HOOK3: variants seen among roughly 807,000 people sequenced by gnomAD.
HOOK3 encodes hook microtubule tethering protein 3.
HOOK3 carries 24 observed loss-of-function variants against 116.3 expected under a neutral mutation model. The observed-to-expected ratio is 0.21, with a 90% CI of 0.15 to 0.29. The LOEUF is 0.29. Ranked by LOEUF, HOOK3 falls within the 10% of genes least tolerant of loss-of-function variation. The pLI is 1.00. For missense variants in HOOK3, 632 were observed against 830.2 expected, an observed-to-expected ratio of 0.76 and a Z score of 2.93; for synonymous variants, 275 against 283.0, an observed-to-expected ratio of 0.97 and a Z score of 0.28.
At chr8:43,005,212 T>TATATA (rs905459315) in intron 17 of HOOK3, among the ~76,000 whole-genome samples, 1 of 118,876 alleles carries the variant, frequency 8.4e-6, no homozygotes, top group Admixed American at 9.6e-5. Flanking sequence ...TATATATATA[T>TATATA]AATTTTTTTT....
At chr8:43,017,623 CT>C (rs959917044) in intron 21 of HOOK3, among the ~76,000 whole-genome samples, 61 of 152,194 alleles carry the variant, frequency 4.0e-4, no homozygotes, top group Middle Eastern at 3.4e-3. Context: ...CAAAAAACTG[CT>C]TTTTTCCTGA....
In HOOK3 at chr8:43,011,015, T is replaced by C. The variant is rs190858886; in HGVS notation, c.1839+610T>C. Among the ~76,000 whole-genome samples the C allele has an allele frequency of 3.8e-3, 575 of 151,690 alleles. 2 individuals carry two copies. Among genetic ancestry groups the C allele is most frequent in the East Asian group, 0.019 (99 of 5,152 alleles). ...GTCCATTTTCTTTTTTTTTTTGAGATGGAGTCTCGCTCTGTCGCCCAGGCT... is the reference window on the plus strand; with the variant it reads ...GTCCATTTTCTTTTTTTTTTTGAGACGGAGTCTCGCTCTGTCGCCCAGGCT... On this transcript the variant is annotated intron_variant, in intron 19 of 21. Transcript: ENST00000307602.
At chr8:42,999,460 A>G (rs1219454958) in intron 16 of HOOK3, among the ~76,000 whole-genome samples, 1 of 152,252 alleles carries the variant, frequency 6.6e-6, no homozygotes, top group South Asian at 2.1e-4. Flanking sequence ...TAAGTAGTAC[A>G]ATACAGGATA....
At chr8:43,011,067 A>G (rs1313333671) in intron 19 of HOOK3, among the ~76,000 whole-genome samples, 2 of 151,320 alleles carry the variant, frequency 1.3e-5, no homozygotes, top group Non-Finnish European at 2.9e-5. Context: ...ATCTTGGCTC[A>G]CTGCAAGCTC....
chr8:43,016,629 C>T (rs2130495092), intron 21 of HOOK3, among the ~76,000 whole-genome samples: 1 of 152,126 alleles, frequency 6.6e-6, no homozygotes, highest in African/African-American at 2.4e-5. Context: ...GGTCTTTAAC[C>T]TATGTGAAGA....
At chr8:42,898,709 G>C (rs1807116942) in intron 1 of HOOK3, among the ~76,000 whole-genome samples, 1 of 152,200 alleles carries the variant, frequency 6.6e-6, no homozygotes, top group South Asian at 2.1e-4. Context: ...AATCTAGGGA[G>C]AAAGAAGACA....
chr8:42,915,010 AAG>A (rs1316160509), intron 2 of HOOK3, among the ~76,000 whole-genome samples: 4 of 152,140 alleles, frequency 2.6e-5, no homozygotes, highest in Non-Finnish European at 5.9e-5. Flanking sequence ...TAAAAGTTGA[AAG>A]AGGCCAAGAG....
intron 21 of HOOK3, among the ~76,000 whole-genome samples, chr8:43,015,062 G>A (rs1256480349): frequency 6.6e-6 from 1 of 151,810 alleles, no homozygotes; most frequent in Non-Finnish European, 1.5e-5. Flanking sequence ...CACGAGAATC[G>A]CTTAAACCCG....
chr8:42,966,023 T>C (rs925711620), intron 9 of HOOK3, among the ~76,000 whole-genome samples: 9 of 152,218 alleles, frequency 5.9e-5, no homozygotes, highest in Admixed American at 5.2e-4. Flanking sequence ...CTGTCTTCTA[T>C]TAAAACAGAT....
intron 2 of HOOK3, among the ~76,000 whole-genome samples, chr8:42,907,265 G>A (rs1453911614): frequency 6.6e-6 from 1 of 152,114 alleles, no homozygotes; most frequent in Non-Finnish European, 1.5e-5. Flanking sequence ...GGTTTTCTTT[G>A]CAATTAGCTA....
intron 2 of HOOK3, among the ~76,000 whole-genome samples, chr8:42,914,826 A>G (rs937324338): frequency 6.6e-6 from 1 of 152,282 alleles, no homozygotes; most frequent in Admixed American, 6.5e-5. Flanking sequence ...ATCTTTAAAA[A>G]TATTTCTCCA....
At chr8:42,910,980 A>G (rs1252679619) in intron 2 of HOOK3, among the ~76,000 whole-genome samples, 2 of 152,236 alleles carry the variant, frequency 1.3e-5, no homozygotes, top group Non-Finnish European at 2.9e-5. Context: ...TAAAAGTCAC[A>G]GATTTCTTCA....
intron 11 of HOOK3, among the ~76,000 whole-genome samples, chr8:42,971,542 T>TA (rs1306847272): frequency 2.0e-5 from 3 of 152,244 alleles, no homozygotes. Flanking sequence ...GTGCTGGGAT[T>TA]ACAGGCGTGA....
chr8:42,917,263 G>C (rs1252370215), intron 2 of HOOK3, among the ~76,000 whole-genome samples: 1 of 152,210 alleles, frequency 6.6e-6, no homozygotes, highest in African/African-American at 2.4e-5. Context: ...TGAGCGCGTT[G>C]AGGTGATCAT....
At chr8:43,006,856 CT>C (rs1408245782) in intron 17 of HOOK3, among the ~76,000 whole-genome samples, 1 of 151,630 alleles carries the variant, frequency 6.6e-6, no homozygotes, top group East Asian at 1.9e-4. Flanking sequence ...TTTTTGCAGC[CT>C]TTTTTCCTAG....
Position 42,973,360 on chromosome 8 carries a change from G to A in HOOK3, c.1194G>A (p.Arg398=). The A allele has an allele frequency of 1.2e-6, 2 of 1,612,826 alleles. No homozygotes were observed. The highest frequency in any genetic ancestry group is 1.7e-5 in the Admixed American group (1 of 59,782). ...KADKLDFEYK[R]LKEKVDSLQK... is the part of the protein sequence containing the mutation. ...ATAAACTAGATTTTGAATATAAGCG[G>A]CTAAAAGAAAAAGTTGACAGTCTTC... The change falls in exon 12 of 22, where the codon CGG becomes CGA. Residue 398 remains arginine (R), a synonymous_variant. Transcript: ENST00000307602.
At chr8:42,931,676 C>T (rs1171457953) in intron 4 of HOOK3, among the ~76,000 whole-genome samples, 3 of 151,930 alleles carry the variant, frequency 2.0e-5, no homozygotes, top group African/African-American at 7.3e-5. Context: ...TCGTGATCTG[C>T]CCGCCTCGGC....
chr8:42,926,910 CT>C (rs1350026653), intron 3 of HOOK3, among the ~76,000 whole-genome samples: 3 of 152,212 alleles, frequency 2.0e-5, no homozygotes, highest in South Asian at 2.1e-4. Context: ...CACACCACCC[CT>C]AATCCCGTGC....
At chr8:42,935,010 A>G (rs1308249626) in intron 4 of HOOK3, among the ~76,000 whole-genome samples, 1 of 152,290 alleles carries the variant, frequency 6.6e-6, no homozygotes, top group East Asian at 1.9e-4. Context: ...TCCCACCAAC[A>G]GTGTAAAAGC....
Sources: allele counts gnomAD v4.1 joint callset (sites outside exome capture counted in the v4.1 genomes callset), GRCh38; gene constraint gnomAD v4.1.1; transcripts MANE v1.5; gene names NCBI Gene and HGNC (gene_info 2026-07-23, HGNC 2026-07-21).